Variants in ZNF354B observed in about 807,000 individuals in gnomAD.
The protein encoded by ZNF354B is zinc finger protein 354B.
Under a neutral mutation model 12.9 loss-of-function variants are expected in ZNF354B, and 10 were observed. The observed-to-expected ratio is 0.77, with a 90% CI of 0.48 to 1.31. The LOEUF (loss-of-function observed/expected upper bound fraction) is 1.31. Ranked by LOEUF, ZNF354B falls within the 40% of genes most tolerant of loss-of-function variation. The pLI, the probability that ZNF354B is intolerant of heterozygous loss-of-function variation, is 0.00. For missense variants in ZNF354B, 614 were observed against 711.7 expected (o/e 0.86, Z 1.56); for synonymous variants, 260 against 243.7 (o/e 1.07, Z -0.62).
In ZNF354B at chr5:178,866,127, C is replaced by T. The variant is rs562164002; in HGVS notation, c.34-117C>T. The T allele has an allele frequency of 1.3e-5, 18 of 1,433,626 alleles. No individual in the cohort carries two copies. In the African/African-American group the frequency reaches 2.5e-4, roughly 20 times the overall value. 88.8% of individuals were successfully genotyped at this position (1,433,626 alleles called of 1,614,324 possible). On this transcript the variant is annotated intron_variant, in intron 2 of 4. Coordinates refer to ENST00000322434, the MANE Select transcript of ZNF354B (RefSeq NM_058230.3). ...TATTCATTAAAGGAATGACCTGGAA[C>T]CTTCAGAAGCTTGAATAGTATGAGA... is the stretch of plus-strand genomic sequence containing the variant.
intron 4 of ZNF354B, among the ~76,000 whole-genome samples, chr5:178,869,129 C>G (rs948212959): frequency 6.6e-6 from 1 of 152,158 alleles, no homozygotes; most frequent in Non-Finnish European, 1.5e-5. Flanking sequence ...CATAAGTAGC[C>G]CAGGGCAGGC....
chr5:178,882,983 G>C lies in ZNF354B; in HGVS notation c.531G>C (p.Gln177His), dbSNP rs1757742590. Residue 177 changes from glutamine (Q) to histidine (H), a missense_variant, in exon 5 of 5, where the codon CAG (glutamine) becomes CAC (histidine). Coordinates refer to ENST00000322434, the MANE Select transcript of ZNF354B (RefSeq NM_058230.3). The part of the protein sequence containing the change: ...FYLKSVFIKQ[Q>H]RFAKEKTPSK... Reference sequence around the variant, plus strand: ...TGAAATCAGTCTTCATTAAGCAACAGAGATTTGCTAAAGAAAAAACTCCAT... The same window carrying C: ...TGAAATCAGTCTTCATTAAGCAACACAGATTTGCTAAAGAAAAAACTCCAT... 2 of 1,607,878 alleles carry C rather than the reference G, an allele frequency of 1.2e-6. No homozygotes were observed. The highest frequency in any genetic ancestry group is 2.7e-5 in the African/African-American group (2 of 74,528).
Position 178,883,543 on chromosome 5 carries a change from A to T in ZNF354B, c.1091A>T (p.Lys364Met), listed in dbSNP as rs775968292. 6.2e-7 allele frequency: 1 copy of T among 1,614,084 alleles called. No homozygotes were observed. Among genetic ancestry groups the T allele is most frequent in the Non-Finnish European group, 8.5e-7 (1 of 1,179,976 alleles). Residue 364 changes from lysine (K) to methionine (M), a missense_variant, in exon 5 of 5, where the codon AAG (lysine) becomes ATG (methionine). Physicochemically the swap from Lys to Met is moderately conservative, Grantham distance 95. Transcript: ENST00000322434. Reference sequence around the variant, plus strand: ...TGTAATGAATGTGGCAACACCTTTAAGTCTAGCTCATCCCTTCGTTATCAT... The same window carrying T: ...TGTAATGAATGTGGCAACACCTTTATGTCTAGCTCATCCCTTCGTTATCAT... ...YLCNECGNTF[K>M]SSSSLRYHQR... is the part of the protein sequence containing the mutation.
Position 178,883,905 on chromosome 5 carries a change from C to G in ZNF354B, c.1453C>G (p.Gln485Glu), listed in dbSNP as rs1396423559. The change falls in exon 5 of 5, where the codon CAG becomes GAG. Residue 485 changes from glutamine (Q) to glutamate (E), a missense_variant. Physicochemically the swap from Gln to Glu is conservative, Grantham distance 29. Coordinates refer to ENST00000322434, the MANE Select transcript of ZNF354B (RefSeq NM_058230.3). The part of the protein sequence containing the change: ...FRQSSALIQH[Q>E]RMHTGERPYK... Reference sequence around the variant, plus strand: ...ACAGAGTTCCGCTCTCATTCAACATCAGAGAATGCATACTGGAGAAAGACC... The same window carrying G: ...ACAGAGTTCCGCTCTCATTCAACATGAGAGAATGCATACTGGAGAAAGACC... 1 of 1,613,968 alleles carries G rather than the reference C, an allele frequency of 6.2e-7. No homozygotes were observed. The highest frequency in any genetic ancestry group is 1.3e-5 in the African/African-American group (1 of 74,894).
At chr5:178,875,713 G>A (rs1340368613) in intron 4 of ZNF354B, among the ~76,000 whole-genome samples, 1 of 152,158 alleles carries the variant, frequency 6.6e-6, no homozygotes, top group Non-Finnish European at 1.5e-5. Context: ...GAAGAGTCAG[G>A]GATTGGTTCT....
In ZNF354B at chr5:178,873,139, A is replaced by C. The variant is rs6866654; in HGVS notation, c.256+6068A>C. Reference sequence around the variant, plus strand: ...GGGTATTTTGTTCATTTTCTAGTTGAGTTATTTTGGAGTTTTTTACTGTTG... The same window carrying C: ...GGGTATTTTGTTCATTTTCTAGTTGCGTTATTTTGGAGTTTTTTACTGTTG... On this transcript the variant is annotated intron_variant, in intron 4 of 4. Coordinates refer to ENST00000322434, the MANE Select transcript of ZNF354B (RefSeq NM_058230.3). Among the ~76,000 whole-genome samples, 1,186 of 151,966 alleles carry C rather than the reference A, an allele frequency of 7.8e-3. 15 individuals are homozygous for C. The highest frequency in any genetic ancestry group is 0.027 in the African/African-American group (1,120 of 41,404).
At chr5:178,872,035 C>T (rs1429839665) in intron 4 of ZNF354B, among the ~76,000 whole-genome samples, 1 of 152,168 alleles carries the variant, frequency 6.6e-6, no homozygotes, top group Admixed American at 6.5e-5. Context: ...AAGATACTGA[C>T]ATTGATACAG....
intron 4 of ZNF354B, among the ~76,000 whole-genome samples, chr5:178,879,845 AGGCTG>A (rs1757692329): frequency 6.6e-6 from 1 of 152,228 alleles, no homozygotes; most frequent in Admixed American, 6.5e-5. Context: ...TAGAGAGAAT[AGGCTG>A]GGCGTGGTGG....
At chr5:178,880,456 C>T (rs1487601361) in intron 4 of ZNF354B, among the ~76,000 whole-genome samples, 1 of 151,676 alleles carries the variant, frequency 6.6e-6, no homozygotes, top group African/African-American at 2.4e-5. Context: ...CCTCAGCCTC[C>T]CAAAGTTTTG....
At position 178,878,337 on chromosome 5, in the gene ZNF354B, T is replaced by C. The variant is rs910469711; in HGVS notation, c.257-4372T>C. Among the ~76,000 whole-genome samples the C allele has an allele frequency of 4.0e-5, 6 of 151,524 alleles. No homozygotes were observed. In the East Asian group the frequency reaches 9.8e-4, roughly 25 times the overall value. On this transcript the variant is annotated intron_variant, in intron 4 of 4. Coordinates refer to ENST00000322434, the MANE Select transcript of ZNF354B (RefSeq NM_058230.3). The stretch of plus-strand genomic sequence containing the variant: ...GGCGGAGCTTGCAGTGAGCCGAGAT[T>C]ATGCCACTGTGCTCCAGCCTGGGCA...
At chr5:178,875,789 G>A (rs144004422) in intron 4 of ZNF354B, among the ~76,000 whole-genome samples, 17 of 152,276 alleles carry the variant, frequency 1.1e-4, no homozygotes, top group African/African-American at 4.1e-4. Context: ...CCCAGATGAA[G>A]GCTTCACTGT....
At chr5:178,869,431 C>T (rs1173178874) in intron 4 of ZNF354B, among the ~76,000 whole-genome samples, 2 of 152,070 alleles carry the variant, frequency 1.3e-5, no homozygotes, top group Admixed American at 1.3e-4. Context: ...CCAGAGACCA[C>T]CACAAAGTAA....
chr5:178,867,563 A>G (rs1757482144), intron 4 of ZNF354B, among the ~76,000 whole-genome samples: 1 of 152,152 alleles, frequency 6.6e-6, no homozygotes, highest in South Asian at 2.1e-4. Context: ...TGAATCAGAA[A>G]CAGCTGAGTC....
intron 4 of ZNF354B, among the ~76,000 whole-genome samples, chr5:178,871,536 T>C (rs914801327): frequency 6.6e-6 from 1 of 152,210 alleles, no homozygotes; most frequent in African/African-American, 2.4e-5. Context: ...TGTCTCTGCC[T>C]CTGCATTGTA....
intron 2 of ZNF354B, among the ~76,000 whole-genome samples, chr5:178,864,195 A>G (rs1399508504): frequency 6.6e-6 from 1 of 152,224 alleles, no homozygotes; most frequent in African/African-American, 2.4e-5. Context: ...TGGAAGCTCC[A>G]TTCATGGCAA....
At chr5:178,874,547 A>G (rs1344215720) in intron 4 of ZNF354B, among the ~76,000 whole-genome samples, 1 of 152,168 alleles carries the variant, frequency 6.6e-6, no homozygotes, top group African/African-American at 2.4e-5. Flanking sequence ...TTTCAGTTGC[A>G]TTATGAAATT....
intron 2 of ZNF354B, among the ~76,000 whole-genome samples, chr5:178,865,633 C>G (rs374814043): frequency 1.6e-3 from 245 of 152,252 alleles, no homozygotes; most frequent in Middle Eastern, 3.4e-3. Context: ...GGAACGATAA[C>G]TATTTTCTTC....
Position 178,884,548 on chromosome 5 carries a change from T to TA in ZNF354B, c.*258dup. 1 of 320,906 alleles carries TA rather than the reference T, an allele frequency of 3.1e-6. No individual in the cohort carries two copies. Among genetic ancestry groups the TA allele is most frequent in the South Asian group, 9.2e-5 (1 of 10,922 alleles). 19.9% of individuals were successfully genotyped at this position (320,906 alleles called of 1,614,324 possible). A position where few individuals can be genotyped will look rare whatever the true frequency, so the allele number is the denominator to read the frequency against. ...GTTTATAAAATCTCTTTATATAATATATGCTATCTATGACATGCAAAAAAG... is the reference window on the plus strand; with the variant it reads ...GTTTATAAAATCTCTTTATATAATATAATGCTATCTATGACATGCAAAAAAG... On this transcript the variant is annotated 3_prime_UTR_variant, in exon 5 of 5. Transcript: ENST00000322434.
intron 4 of ZNF354B, among the ~76,000 whole-genome samples, chr5:178,870,008 C>A (rs76255208): frequency 6.6e-6 from 1 of 152,016 alleles, no homozygotes; most frequent in East Asian, 1.9e-4. Flanking sequence ...AACTCTAGCT[C>A]GAACCAAAAA....
Sources: allele counts gnomAD v4.1 joint callset (sites outside exome capture counted in the v4.1 genomes callset), GRCh38; gene constraint gnomAD v4.1.1; transcripts MANE v1.5; gene names NCBI Gene and HGNC (gene_info 2026-07-23, HGNC 2026-07-21).